RBFOX1: variants seen among roughly 807,000 people sequenced by gnomAD.
The protein encoded by RBFOX1 is RNA binding protein fox-1 homolog 1.
A neutral mutation model predicts 57.7 loss-of-function variants in RBFOX1; 8 were observed. The observed-to-expected ratio is 0.14, with a 90% CI of 0.08 to 0.25. RBFOX1 has a LOEUF of 0.25. Ranked by LOEUF, RBFOX1 falls within the 10% of genes least tolerant of loss-of-function variation. RBFOX1 has a pLI of 1.00. For missense variants in RBFOX1, 611 were observed against 548.5 expected (o/e 1.11, Z -1.14); for synonymous variants, 326 against 222.4 (o/e 1.47, Z -4.15).
intron 10 of RBFOX1, among the ~76,000 whole-genome samples, chr16:7,630,139 T>A (rs2060708522): frequency 6.6e-6 from 1 of 152,082 alleles, no homozygotes; most frequent in African/African-American, 2.4e-5. Context: ...TCCAGTCATA[T>A]GATGCACAGC....
chr16:6,767,209 A>G (rs148545539), intron 3 of RBFOX1, among the ~76,000 whole-genome samples: 43 of 152,184 alleles, frequency 2.8e-4, no homozygotes, highest in African/African-American at 9.6e-4. Context: ...GCCAGCTGGC[A>G]TAACTCCAAT....
intron 1 of RBFOX1, among the ~76,000 whole-genome samples, chr16:5,371,395 G>A (rs1187292305): frequency 2.0e-5 from 3 of 152,198 alleles, no homozygotes; most frequent in African/African-American, 7.2e-5. Context: ...GGAGGATACA[G>A]GGAGAAGAGA....
chr16:7,121,694 G>T (rs898207812), intron 4 of RBFOX1, among the ~76,000 whole-genome samples: 1 of 151,806 alleles, frequency 6.6e-6, no homozygotes, highest in Non-Finnish European at 1.5e-5. Context: ...CTATAAACGT[G>T]AAGATTCTAA....
intron 2 of RBFOX1, among the ~76,000 whole-genome samples, chr16:6,407,569 C>CAGAGAAAGAGAGAG (rs2093331313): frequency 3.1e-4 from 8 of 25,914 alleles, no homozygotes; most frequent in Non-Finnish European, 5.0e-4. Context: ...GTGTGTGTGA[C>CAGAGAAAGAGAGAG]AGAGAGAGAG....
In RBFOX1 at chr16:5,717,416, T is replaced by G. The variant is rs140810660; in HGVS notation, c.318+118455T>G. ...GGTTTTTGGTTATATGGATAAGTTCTTTAATGGTAATTTCTGAGATTTTGG... is the reference window on the plus strand; with the variant it reads ...GGTTTTTGGTTATATGGATAAGTTCGTTAATGGTAATTTCTGAGATTTTGG... On this transcript the variant is annotated intron_variant, in intron 3 of 19. Coordinates refer to the RBFOX1 transcript ENST00000641259. Among the ~76,000 whole-genome samples the G allele has an allele frequency of 3.1e-3, 471 of 152,322 alleles. 1 individual carries two copies. The highest frequency in any genetic ancestry group is 5.8e-3 in the Admixed American group (88 of 15,302).
intron 5 of RBFOX1, among the ~76,000 whole-genome samples, chr16:7,538,874 A>G (rs1170146132): frequency 2.4e-5 from 3 of 122,502 alleles, no homozygotes; most frequent in Non-Finnish European, 3.3e-5. Context: ...CCGCCACTCA[A>G]TCTCTCCACA....
intron 4 of RBFOX1, among the ~76,000 whole-genome samples, chr16:7,095,439 A>C (rs1377926638): frequency 6.6e-6 from 1 of 152,212 alleles, no homozygotes; most frequent in East Asian, 1.9e-4. Flanking sequence ...CGGCCAGCTT[A>C]GAATGTTCTT....
At chr16:7,543,477 C>A (rs1312151780) in intron 5 of RBFOX1, among the ~76,000 whole-genome samples, 2 of 152,130 alleles carry the variant, frequency 1.3e-5, no homozygotes, top group Non-Finnish European at 2.9e-5. Context: ...TTGGAAAACT[C>A]CTGGATAAAG....
chr16:6,850,441 G>A (rs1310086706), intron 3 of RBFOX1, among the ~76,000 whole-genome samples: 1 of 152,066 alleles, frequency 6.6e-6, no homozygotes, highest in Non-Finnish European at 1.5e-5. Flanking sequence ...GGTAAAGGAT[G>A]ACAAATGAGG....
At chr16:5,767,337 A>C (rs2053820039) in intron 3 of RBFOX1, among the ~76,000 whole-genome samples, 1 of 152,236 alleles carries the variant, frequency 6.6e-6, no homozygotes, top group African/African-American at 2.4e-5. Flanking sequence ...CATCTAGGTC[A>C]AGATGGGATG....
At chr16:5,865,147 G>C (rs1478500116) in intron 3 of RBFOX1, among the ~76,000 whole-genome samples, 3 of 152,206 alleles carry the variant, frequency 2.0e-5, no homozygotes, top group African/African-American at 7.2e-5. Flanking sequence ...ATGGAGCTTA[G>C]TGAAGCAGAG....
chr16:6,859,707 A>G (rs1567596375), intron 3 of RBFOX1, among the ~76,000 whole-genome samples: 1 of 152,216 alleles, frequency 6.6e-6, no homozygotes, highest in Non-Finnish European at 1.5e-5. Context: ...CTACGGTATC[A>G]GCAAAATGAG....
intron 4 of RBFOX1, among the ~76,000 whole-genome samples, chr16:7,499,510 A>G (rs137882563): frequency 1.3e-4 from 20 of 152,338 alleles, no homozygotes; most frequent in South Asian, 6.2e-4. Context: ...TATGTGTTCA[A>G]TAAATTCAAG....
chr16:7,236,150 A>T (rs1333439813), intron 4 of RBFOX1, among the ~76,000 whole-genome samples: 1 of 152,184 alleles, frequency 6.6e-6, no homozygotes, highest in East Asian at 1.9e-4. Flanking sequence ...GCTCACCTAA[A>T]CATTGCTACT....
At chr16:7,391,180 C>T (rs938907343) in intron 4 of RBFOX1, among the ~76,000 whole-genome samples, 1 of 152,178 alleles carries the variant, frequency 6.6e-6, no homozygotes, top group Non-Finnish European at 1.5e-5. Context: ...GCCCCCTGCA[C>T]GTGACTGGCC....
chr16:5,536,088 T>C (rs1337618548), intron 2 of RBFOX1, among the ~76,000 whole-genome samples: 6 of 126,290 alleles, frequency 4.8e-5, no homozygotes, highest in Non-Finnish European at 8.0e-5. Flanking sequence ...AGTCCCCAAG[T>C]CATCAAGCCC....
intron 3 of RBFOX1, among the ~76,000 whole-genome samples, chr16:6,768,391 A>G (rs138150592): frequency 6.8e-4 from 104 of 152,152 alleles, no homozygotes; most frequent in African/African-American, 2.5e-3. Context: ...TTCTTTGAAA[A>G]TACAAATATA....
At chr16:6,571,048 C>T (rs559464181) in intron 2 of RBFOX1, among the ~76,000 whole-genome samples, 24 of 152,262 alleles carry the variant, frequency 1.6e-4, no homozygotes, top group African/African-American at 5.8e-4. Context: ...GATGAGCAGG[C>T]ATTGTGGATT....
chr16:5,718,163 C>T (rs1034835490), intron 3 of RBFOX1, among the ~76,000 whole-genome samples: 1 of 152,206 alleles, frequency 6.6e-6, no homozygotes, highest in African/African-American at 2.4e-5. Context: ...TTGTCATGAT[C>T]CTCTTGAATA....
Sources: gnomAD v4.1 joint callset for allele counts (sites outside exome capture counted in the v4.1 genomes callset) on GRCh38, gnomAD v4.1.1 for gene constraint, MANE v1.5 for transcripts, NCBI Gene and HGNC (gene_info 2026-07-23, HGNC 2026-07-21) for gene names.